ZNF445: variants seen among roughly 807,000 people sequenced by gnomAD.
The protein encoded by ZNF445 is zinc finger protein 168.
Under a neutral mutation model 93.9 loss-of-function variants are expected in ZNF445, and 19 were observed. The ratio of observed to expected loss-of-function variants is 0.20; its 90% CI spans 0.14 to 0.30. The LOEUF is 0.30. Among genes scored for constraint, ZNF445 ranks in the 10% least tolerant of loss-of-function variants. ZNF445 has a pLI of 1.00. For synonymous variants in ZNF445, 449 were observed against 446.3 expected, an observed-to-expected ratio of 1.01 and a Z score of -0.08; for missense variants, 1,058 against 1,259.4, an observed-to-expected ratio of 0.84 and a Z score of 2.42.
chr3:44,469,677 G>A (rs1452086678), intron 1 of ZNF445, among the ~76,000 whole-genome samples: 1 of 152,018 alleles, frequency 6.6e-6, no homozygotes, highest in Non-Finnish European at 1.5e-5. Context: ...GCTGAGGCAG[G>A]AGAACCACTT....
At chr3:44,468,991 C>T (rs1404129810) in intron 1 of ZNF445, among the ~76,000 whole-genome samples, 1 of 149,770 alleles carries the variant, frequency 6.7e-6, no homozygotes, top group Non-Finnish European at 1.5e-5. Context: ...GGTGCAGTGA[C>T]TCATGCCTGT....
Position 44,448,646 on chromosome 3 carries a change from G to A in ZNF445, c.1025C>T (p.Ala342Val), listed in dbSNP as rs770857071. ...CCCAATTCCCTCAGAAACACTTGTC[G>A]CAGGACATCCTGATGACACAGCTAA... ...ETLAVSSGCP[A>V]TSVSEGIGLR... The change falls in exon 8 of 8, where the codon GCG becomes GTG. Residue 342 changes from alanine to valine, a missense_variant. By Grantham distance (64) the Ala-to-Val change is moderately conservative. This residue lies in a region of ZNF445 where 657 missense variants were observed against 746.4 expected (regional missense o/e 0.88). Coordinates refer to ENST00000396077, the MANE Select transcript of ZNF445 (RefSeq NM_181489.6). 28 of 1,614,020 alleles carry A rather than the reference G, an allele frequency of 1.7e-5. No individual in the cohort carries two copies. The highest frequency in any genetic ancestry group is 1.6e-4 in the Middle Eastern group (1 of 6,084).
chr3:44,468,672 T>TC (rs1698225748), intron 1 of ZNF445, among the ~76,000 whole-genome samples: 1 of 35,708 alleles, frequency 2.8e-5, no homozygotes, highest in Non-Finnish European at 5.9e-5. Flanking sequence ...CCCCCACCCC[T>TC]CCACCCCCTC....
chr3:44,445,433 G>A lies in ZNF445; in HGVS notation c.*1142C>T, dbSNP rs1341962476. ...GTCCAAAAGCTCCCTGCCTCCCTCTGAGCCAGCTCAAGCCCCCGTAATGAC... is the reference window on the plus strand; with the variant it reads ...GTCCAAAAGCTCCCTGCCTCCCTCTAAGCCAGCTCAAGCCCCCGTAATGAC... On this transcript the variant is annotated 3_prime_UTR_variant, in exon 8 of 8. Transcript: ENST00000396077. The A allele has an allele frequency of 6.6e-6, 1 of 152,314 alleles. No homozygotes were observed. The highest frequency in any genetic ancestry group is 1.9e-4 in the East Asian group (1 of 5,188). The allele number at this position is 152,314 out of a possible 1,614,324, so 9.4% of individuals were successfully genotyped here.
In ZNF445 at chr3:44,438,144, A is replaced by C. The variant is rs1446897192; in HGVS notation, c.*8431T>G. 1 of 150,062 alleles carries C rather than the reference A, an allele frequency of 6.7e-6. No homozygotes were observed. The highest frequency in any genetic ancestry group is 1.5e-5 in the Non-Finnish European group (1 of 67,686). 9.3% of individuals were successfully genotyped at this position (150,062 alleles called of 1,614,324 possible). On this transcript the variant is annotated 3_prime_UTR_variant, in exon 8 of 8. Coordinates refer to ENST00000396077, the MANE Select transcript of ZNF445 (RefSeq NM_181489.6). Reference sequence around the variant, plus strand: ...TGGAGAGTACTGTATCTCCTCAGTCACATTTTGCACTTCACTTTTTTTTTT... The same window carrying C: ...TGGAGAGTACTGTATCTCCTCAGTCCCATTTTGCACTTCACTTTTTTTTTT...
chr3:44,432,330 GATTTATGA>G lies in ZNF445; in HGVS notation c.*14237_*14244del, dbSNP rs1697574758. On this transcript the variant is annotated 3_prime_UTR_variant, in exon 8 of 8. Coordinates refer to ENST00000396077, the MANE Select transcript of ZNF445 (RefSeq NM_181489.6). ...GTGTGGATGGAGATAGAGAGAGAGG[GATTTATGA>G]ATTTATGATAAGGAATTGGCTTATA... The G allele has an allele frequency of 6.6e-6, 1 of 152,164 alleles. No individual in the cohort carries two copies. The highest frequency in any genetic ancestry group is 1.5e-5 in the Non-Finnish European group (1 of 68,342). 9.4% of individuals were successfully genotyped at this position (152,164 alleles called of 1,614,324 possible).
Position 44,455,379 on chromosome 3 carries a change from G to A in ZNF445, c.171C>T (p.Leu57=). The A allele has an allele frequency of 1.2e-6, 2 of 1,614,202 alleles. No homozygotes were observed. The highest frequency in any genetic ancestry group is 8.5e-7 in the Non-Finnish European group (1 of 1,180,030). The change falls in exon 3 of 8, where the codon CTC becomes CTT. Residue 57 remains leucine, a synonymous_variant. Transcript: ENST00000396077. The stretch of plus-strand genomic sequence containing the variant: ...ACTCATGGTAGCGAAGCTGTCTGAA[G>A]AGCTGGCGGAACAGCTCCTGGCCAG... The part of the protein sequence containing the change: ...NRPGQELFRQ[L]FRQLRYHESS...
intron 3 of ZNF445, 38 bp downstream of exon 3, chr3:44,455,083 C>A: frequency 6.2e-7 from 1 of 1,613,256 alleles, no homozygotes; most frequent in South Asian, 1.1e-5. Context: ...CACTAGCAGG[C>A]AGAGTTCCCT....
rs1445612437 is a variant in ZNF445, at chr3:44,432,286, T to C, written c.*14289A>G. 6.6e-6 allele frequency: 1 copy of C among 151,286 alleles called. No homozygotes were observed. Among genetic ancestry groups the C allele is most frequent in the Non-Finnish European group, 1.5e-5 (1 of 68,388 alleles). The allele number at this position is 151,286 out of a possible 1,614,324, so 9.4% of individuals were successfully genotyped here. A position where few individuals can be genotyped will look rare whatever the true frequency, so the allele number is the denominator to read the frequency against. ...GTGTGTGTGTGTCTGTGTGTGTGTGTGTGTGTGTGTGTGTGTGTGTGTGGA... is the reference window on the plus strand; with the variant it reads ...GTGTGTGTGTGTCTGTGTGTGTGTGCGTGTGTGTGTGTGTGTGTGTGTGGA... On this transcript the variant is annotated 3_prime_UTR_variant, in exon 8 of 8. Coordinates refer to ENST00000396077, the MANE Select transcript of ZNF445 (RefSeq NM_181489.6).
At position 44,438,760 on chromosome 3, in the gene ZNF445, G is replaced by C. The variant is rs1464245436; in HGVS notation, c.*7815C>G. ...AAATAATCATTCTCAGTAAACTATC[G>C]CAAGAACAAAAAACCAAACACCGCA... is the stretch of plus-strand genomic sequence containing the variant. On this transcript the variant is annotated 3_prime_UTR_variant, in exon 8 of 8. Transcript: ENST00000396077. The C allele has an allele frequency of 6.7e-6, 1 of 150,314 alleles. No homozygotes were observed. The highest frequency in any genetic ancestry group is 2.4e-5 in the African/African-American group (1 of 40,878). 9.3% of individuals were successfully genotyped at this position (150,314 alleles called of 1,614,324 possible).
Position 44,446,341 on chromosome 3 carries a change from G to A in ZNF445, c.*234C>T, listed in dbSNP as rs1697876883. The A allele has an allele frequency of 5.3e-6, 3 of 563,828 alleles. No homozygotes were observed. The highest frequency in any genetic ancestry group is 6.5e-5 in the Admixed American group (2 of 30,754). The allele number at this position is 563,828 out of a possible 1,614,324, so 34.9% of individuals were successfully genotyped here. A position where few individuals can be genotyped will look rare whatever the true frequency, so the allele number is the denominator to read the frequency against. ...GCTATGGTGCAGAGGCCACTCCTAG[G>A]GGCCGGAGTCTCCAGAAGGGCTCCA... On this transcript the variant is annotated 3_prime_UTR_variant, in exon 8 of 8. Coordinates refer to ENST00000396077, the MANE Select transcript of ZNF445 (RefSeq NM_181489.6). This position sits in a 1 kb window ranked among gnomAD's most constrained non-coding sequence, Gnocchi z 4.2.
chr3:44,441,855 C>T lies in ZNF445; in HGVS notation c.*4720G>A, dbSNP rs530416040. 1.3e-5 allele frequency: 2 copies of T among 152,294 alleles called. No individual in the cohort carries two copies. The highest frequency in any genetic ancestry group is 4.1e-4 in the South Asian group (2 of 4,824). The allele number at this position is 152,294 out of a possible 1,614,324, so 9.4% of individuals were successfully genotyped here. On this transcript the variant is annotated 3_prime_UTR_variant, in exon 8 of 8. Transcript: ENST00000396077. ...AGAATGGTGACTTGCACACATCGTT[C>T]CAATACATGATTTTATACTCATTTC...
rs1697902797 is a variant in ZNF445, at chr3:44,447,986, G to A, written c.1685C>T (p.Thr562Ile). 1 of 1,612,132 alleles carries A rather than the reference G, an allele frequency of 6.2e-7. No individual in the cohort carries two copies. The highest frequency in any genetic ancestry group is 8.5e-7 in the Non-Finnish European group (1 of 1,180,002). Reference sequence around the variant, plus strand: ...TTCAAGAAATTTCTTCTTAGCATGGGTTTCTCGGTGCAGACGGTAGGCTGA... The same window carrying A: ...TTCAAGAAATTTCTTCTTAGCATGGATTTCTCGGTGCAGACGGTAGGCTGA... ...RLSAYRLHRE[T>I]HAKKKFLELN... The change falls in exon 8 of 8, where the codon ACC (threonine) becomes ATC (isoleucine). Residue 562 changes from threonine (T) to isoleucine (I), a missense_variant. Thr to Ile is a moderately conservative substitution (Grantham distance 89). Coordinates refer to ENST00000396077, the MANE Select transcript of ZNF445 (RefSeq NM_181489.6). This position sits in a 1 kb window ranked among gnomAD's most constrained non-coding sequence, Gnocchi z 4.7.
At position 44,442,100 on chromosome 3, in the gene ZNF445, T is replaced by C. The variant is rs140835025; in HGVS notation, c.*4475A>G. The C allele has an allele frequency of 2.2e-4, 33 of 152,288 alleles. No homozygotes were observed. The highest frequency in any genetic ancestry group is 7.5e-4 in the African/African-American group (31 of 41,558). The allele number at this position is 152,288 out of a possible 1,614,324, so 9.4% of individuals were successfully genotyped here. On this transcript the variant is annotated 3_prime_UTR_variant, in exon 8 of 8. Coordinates refer to ENST00000396077, the MANE Select transcript of ZNF445 (RefSeq NM_181489.6). ...AAGTAACGTGCCCACAGGTACACAG[T>C]ATGCTTAACTTTACACTAAGGGTAC...
chr3:44,473,661 A>G (rs1698304410), intron 1 of ZNF445, among the ~76,000 whole-genome samples: 1 of 151,748 alleles, frequency 6.6e-6, no homozygotes, highest in Non-Finnish European at 1.5e-5. Flanking sequence ...TGGAGAAGTG[A>G]CTGATGCCAG....
chr3:44,473,492 A>AC (rs1559400839), intron 1 of ZNF445, among the ~76,000 whole-genome samples: 1,849 of 89,104 alleles, frequency 0.021, 31 homozygotes, highest in African/African-American at 0.045. Flanking sequence ...CACACACACA[A>AC]AAAATGCTTT....
chr3:44,473,559 AAACT>A (rs1005171650), intron 1 of ZNF445, among the ~76,000 whole-genome samples: 21 of 152,214 alleles, frequency 1.4e-4, no homozygotes, highest in African/African-American at 5.1e-4. Context: ...ATTAAGAAAT[AAACT>A]AATAATGGGA....
At chr3:44,456,473 A>G (rs970434307) in intron 2 of ZNF445, among the ~76,000 whole-genome samples, 1 of 152,164 alleles carries the variant, frequency 6.6e-6, no homozygotes, top group Non-Finnish European at 1.5e-5. Flanking sequence ...ATGACAAGGA[A>G]GAATAAATTG....
At chr3:44,466,569 A>AG (rs1355668893) in intron 1 of ZNF445, among the ~76,000 whole-genome samples, 4 of 152,186 alleles carry the variant, frequency 2.6e-5, no homozygotes, top group Non-Finnish European at 5.9e-5. Context: ...TATGCCATGG[A>AG]GGTGGCAAAT....
Sources: gnomAD v4.1 joint callset for allele counts (sites outside exome capture counted in the v4.1 genomes callset) on GRCh38, gnomAD v4.1.1 for gene constraint, gnomAD v4.1.1 regional missense constraint, Gnocchi (gnomAD v3.1) non-coding constraint, MANE v1.5 for transcripts, NCBI Gene and HGNC (gene_info 2026-07-23, HGNC 2026-07-21) for gene names.